The following IPCEF1 variants were observed in gnomAD, a reference collection of about 807,000 sequenced individuals.
IPCEF1 encodes interactor protein for cytohesin exchange factors 1.
In IPCEF1, 31 loss-of-function variants were observed where a neutral mutation model predicts 50.9. The observed-to-expected ratio is 0.61, with a 90% CI of 0.46 to 0.82. IPCEF1 has a LOEUF of 0.82. IPCEF1 is among the 40% of genes least tolerant of loss of function. The pLI is 0.00. For synonymous variants in IPCEF1, 181 were observed against 192.0 expected (o/e 0.94, Z 0.47); for missense variants, 458 against 514.0 (o/e 0.89, Z 1.05).
chr6:154,265,873 A>T (rs755062613), intron 3 of IPCEF1, 39 bp downstream of exon 3: 5 of 1,458,620 alleles, frequency 3.4e-6, no homozygotes, highest in Admixed American at 4.3e-5. Flanking sequence ...CATCAAACTG[A>T]CAATATCTAA....
chr6:154,350,722 G>GT (rs532962693), intron 1 of IPCEF1, among the ~76,000 whole-genome samples: 1 of 152,074 alleles, frequency 6.6e-6, no homozygotes, highest in African/African-American at 2.4e-5. Flanking sequence ...CAATTGGTTA[G>GT]TTTTTTTATT....
At chr6:154,277,771 T>G (rs957869561) in intron 2 of IPCEF1, among the ~76,000 whole-genome samples, 3 of 152,220 alleles carry the variant, frequency 2.0e-5, no homozygotes, top group Admixed American at 1.3e-4. Context: ...CTTATTTTTT[T>G]GTTTCCATTC....
intron 1 of IPCEF1, among the ~76,000 whole-genome samples, chr6:154,292,173 G>A (rs1364416006): frequency 6.6e-6 from 1 of 152,134 alleles, no homozygotes; most frequent in Non-Finnish European, 1.5e-5. Flanking sequence ...GTAGAGTCCA[G>A]GCCAGTTGCT....
intron 2 of IPCEF1, among the ~76,000 whole-genome samples, chr6:154,281,794 G>A (rs534447076): frequency 5.9e-5 from 9 of 152,194 alleles, no homozygotes; most frequent in African/African-American, 1.9e-4. Context: ...CCTGAGGTTA[G>A]GAGTTCGAGA....
chr6:154,181,337 T>A (rs1800849683), intron 10 of IPCEF1, among the ~76,000 whole-genome samples: 1 of 152,184 alleles, frequency 6.6e-6, no homozygotes, highest in African/African-American at 2.4e-5. Context: ...ACATGCACTG[T>A]GTTAATTCTT....
At chr6:154,350,034 A>G (rs1784095277) in intron 1 of IPCEF1, among the ~76,000 whole-genome samples, 1 of 152,198 alleles carries the variant, frequency 6.6e-6, no homozygotes, top group Admixed American at 6.5e-5. Flanking sequence ...ACTCAAGAAT[A>G]TGCTTGAAAT....
At chr6:154,177,888 C>T (rs1252565165) in intron 10 of IPCEF1, among the ~76,000 whole-genome samples, 3 of 152,138 alleles carry the variant, frequency 2.0e-5, no homozygotes, top group Non-Finnish European at 4.4e-5. Context: ...TGTAACCAAC[C>T]CAAATGTCCA....
intron 1 of IPCEF1, among the ~76,000 whole-genome samples, chr6:154,339,734 C>T (rs1351329636): frequency 2.6e-5 from 4 of 151,956 alleles, no homozygotes; most frequent in Non-Finnish European, 5.9e-5. Context: ...GGACTACAAG[C>T]GCACACCACC....
At chr6:154,254,320 ATGGC>A (rs760461977) in intron 3 of IPCEF1, among the ~76,000 whole-genome samples, 1 of 152,204 alleles carries the variant, frequency 6.6e-6, no homozygotes, top group Non-Finnish European at 1.5e-5. Flanking sequence ...ACAGTTCTGC[ATGGC>A]TGAAGGGGCC....
chr6:154,268,443 C>A (rs1194470308), intron 2 of IPCEF1, among the ~76,000 whole-genome samples: 1 of 152,200 alleles, frequency 6.6e-6, no homozygotes, highest in Non-Finnish European at 1.5e-5. Context: ...TCCTAACTAT[C>A]CCTTAAAGTC....
intron 10 of IPCEF1, among the ~76,000 whole-genome samples, chr6:154,185,824 G>T (rs1409495502): frequency 2.0e-5 from 3 of 152,230 alleles, no homozygotes; most frequent in Non-Finnish European, 4.4e-5. Context: ...GAAAGTTGAT[G>T]AATTTGTGTT....
intron 10 of IPCEF1, among the ~76,000 whole-genome samples, chr6:154,175,485 G>T (rs1261674294): frequency 6.6e-6 from 1 of 151,162 alleles, no homozygotes; most frequent in Non-Finnish European, 1.5e-5. Flanking sequence ...AATGATAAAG[G>T]GGATATCACC....
chr6:154,191,261 T>C (rs1245162007), intron 10 of IPCEF1, among the ~76,000 whole-genome samples: 1 of 152,116 alleles, frequency 6.6e-6, no homozygotes, highest in Non-Finnish European at 1.5e-5. Context: ...GATGAATAGA[T>C]GGAGCACAGG....
In IPCEF1 at chr6:154,195,204, G is replaced by A. The variant is rs186461896; in HGVS notation, c.910+4464C>T. Among the ~76,000 whole-genome samples the A allele has an allele frequency of 1.5e-3, 220 of 143,030 alleles. 1 individual carries two copies. Among genetic ancestry groups the A allele is most frequent in the African/African-American group, 5.5e-3 (208 of 37,736 alleles). The allele number at this position is 143,030 out of a possible 152,430, so 93.8% of individuals were successfully genotyped here. ...GCTCTGTCACCCAGGCTGGAGTGCA[G>A]TGGCACGATCTCGGCTCACTGCAAT... is the stretch of plus-strand genomic sequence containing the variant. On this transcript the variant is annotated intron_variant, in intron 10 of 11. Transcript: ENST00000367220.
intron 3 of IPCEF1, among the ~76,000 whole-genome samples, chr6:154,252,963 G>C (rs939646620): frequency 6.6e-6 from 1 of 152,222 alleles, no homozygotes; most frequent in African/African-American, 2.4e-5. Context: ...GTAAGATACA[G>C]ATACACACTT....
At chr6:154,211,258 T>C (rs1463203849) in intron 9 of IPCEF1, among the ~76,000 whole-genome samples, 1 of 151,734 alleles carries the variant, frequency 6.6e-6, no homozygotes, top group African/African-American at 2.4e-5. Flanking sequence ...CTACTAAAAA[T>C]ACAAAAAATT....
At chr6:154,193,910 A>G (rs576031882) in intron 10 of IPCEF1, among the ~76,000 whole-genome samples, 112 of 152,360 alleles carry the variant, frequency 7.4e-4, no homozygotes, top group Middle Eastern at 3.4e-3. Flanking sequence ...ATAAAACACA[A>G]TTCTAGTAGC....
At chr6:154,267,464 T>C (rs1221852977) in intron 2 of IPCEF1, among the ~76,000 whole-genome samples, 2 of 152,128 alleles carry the variant, frequency 1.3e-5, no homozygotes, top group African/African-American at 4.8e-5. Context: ...TCTCACATAT[T>C]GGGATATCAA....
intron 7 of IPCEF1, among the ~76,000 whole-genome samples, chr6:154,220,883 C>T (rs1383603426): frequency 6.6e-6 from 1 of 152,214 alleles, no homozygotes; most frequent in Non-Finnish European, 1.5e-5. Flanking sequence ...AATCACACAG[C>T]ATATATTAAA....
Sources: allele counts gnomAD v4.1 joint callset (sites outside exome capture counted in the v4.1 genomes callset), GRCh38; gene constraint gnomAD v4.1.1; transcripts MANE v1.5; gene names NCBI Gene and HGNC (gene_info 2026-07-23, HGNC 2026-07-21).